Variants in NPSR1 observed in about 807,000 individuals in gnomAD.
NPSR1 encodes neuropeptide S receptor.
A neutral mutation model predicts 46.9 loss-of-function variants in NPSR1; 48 were observed. The ratio of observed to expected loss-of-function variants is 1.02; its 90% CI spans 0.81 to 1.30. The LOEUF is 1.30. Ranked by LOEUF, NPSR1 falls within the 50% of genes most tolerant of loss-of-function variation. The pLI is 0.00. For synonymous variants in NPSR1, 176 were observed against 168.1 expected, an observed-to-expected ratio of 1.05 and a Z score of -0.36; for missense variants, 450 against 449.5, an observed-to-expected ratio of 1.00 and a Z score of -0.01.
At chr7:34,688,096 G>A (rs1293619774) in intron 2 of NPSR1, among the ~76,000 whole-genome samples, 1 of 152,088 alleles carries the variant, frequency 6.6e-6, no homozygotes, top group African/African-American at 2.4e-5. Context: ...AAGTAAGAGT[G>A]AACTAAAAAT....
chr7:34,708,659 C>A (rs1173136768), intron 2 of NPSR1, among the ~76,000 whole-genome samples: 2 of 152,180 alleles, frequency 1.3e-5, no homozygotes, highest in Non-Finnish European at 2.9e-5. Context: ...CGCCTAGATT[C>A]CAAAGCAGGT....
intron 1 of NPSR1, among the ~76,000 whole-genome samples, chr7:34,680,392 A>G (rs1792566391): frequency 6.6e-6 from 1 of 152,218 alleles, no homozygotes; most frequent in Non-Finnish European, 1.5e-5. Context: ...TATGTCATTT[A>G]AAATAGAAAT....
rs115258283 is a variant in NPSR1 at position 34,847,347 on chromosome 7, G to A, written c.845-1136G>A. 6.8e-3 allele frequency among the ~76,000 whole-genome samples: 1,029 copies of A among 152,208 alleles called. 14 individuals carry two copies. The highest frequency in any genetic ancestry group is 0.024 in the African/African-American group (982 of 41,522). On this transcript the variant is annotated intron_variant, in intron 7 of 8. Transcript: ENST00000360581. ...AAAATGAGAGATGCGTGTATTTCCA[G>A]TCAACTTAGGAGTGTTTAGCTCTGT...
intron 2 of NPSR1, chr7:34,758,164 C>G (rs372365338): frequency 6.6e-6 from 1 of 152,586 alleles, no homozygotes; most frequent in Admixed American, 6.5e-5. Context: ...TAAATTAGTT[C>G]TTCTATAGAA....
intron 8 of NPSR1, among the ~76,000 whole-genome samples, chr7:34,869,075 T>C (rs1399612108): frequency 6.6e-6 from 1 of 151,684 alleles, no homozygotes; most frequent in Non-Finnish European, 1.5e-5. Context: ...CCACTCTATT[T>C]CACATTTAAG....
At chr7:34,696,772 T>A (rs866200972) in intron 2 of NPSR1, among the ~76,000 whole-genome samples, 6 of 150,936 alleles carry the variant, frequency 4.0e-5, no homozygotes, top group Non-Finnish European at 8.9e-5. Context: ...GAAACAACAC[T>A]TATAGTGGCC....
At chr7:34,672,156 T>A (rs1296251746) in intron 1 of NPSR1, among the ~76,000 whole-genome samples, 1 of 152,222 alleles carries the variant, frequency 6.6e-6, no homozygotes, top group African/African-American at 2.4e-5. Context: ...GTTCTTGTTA[T>A]GTAGCTGACA....
chr7:34,870,473 A>T (rs1258071838), intron 8 of NPSR1, among the ~76,000 whole-genome samples: 1 of 151,792 alleles, frequency 6.6e-6, no homozygotes, highest in Admixed American at 6.5e-5. Context: ...TGACCATGGG[A>T]TATTTAGGTA....
At chr7:34,688,973 G>C (rs1793081039) in intron 2 of NPSR1, among the ~76,000 whole-genome samples, 1 of 152,198 alleles carries the variant, frequency 6.6e-6, no homozygotes, top group Non-Finnish European at 1.5e-5. Flanking sequence ...CCTGTGCAGA[G>C]AACTTGGGAC....
intron 2 of NPSR1, chr7:34,750,170 C>T (rs35430691): frequency 0.039 from 12,222 of 314,108 alleles, 1,091 homozygotes; most frequent in African/African-American, 0.21. Flanking sequence ...AAATATTCTA[C>T]AAGGGGAACA....
chr7:34,872,986 C>A, intron 8 of NPSR1, among the ~76,000 whole-genome samples: 1 of 150,344 alleles, frequency 6.7e-6, no homozygotes, highest in East Asian at 1.9e-4. Context: ...AGCAACTAGG[C>A]CACTTCTTGA....
intron 3 of NPSR1, among the ~76,000 whole-genome samples, chr7:34,796,272 T>C (rs1030439520): frequency 6.6e-6 from 1 of 152,110 alleles, no homozygotes; most frequent in Non-Finnish European, 1.5e-5. Context: ...ACCTTGAGTA[T>C]GGTGATGACT....
intron 3 of NPSR1, among the ~76,000 whole-genome samples, chr7:34,792,571 ATGTG>A (rs1323576369): frequency 1.4e-5 from 1 of 72,628 alleles, no homozygotes; most frequent in African/African-American, 6.1e-5. Flanking sequence ...ATATATATAT[ATGTG>A]TGTGTGTATA....
intron 1 of NPSR1, among the ~76,000 whole-genome samples, chr7:34,671,858 C>T (rs117533146): frequency 0.015 from 2,291 of 151,662 alleles, 26 homozygotes; most frequent in Middle Eastern, 0.034. Flanking sequence ...TTGAGTCTCC[C>T]GGATGGATTT....
At chr7:34,752,010 A>G in intron 2 of NPSR1, 1 of 772,758 alleles carries the variant, frequency 1.3e-6, no homozygotes. Flanking sequence ...GGCATGGCAC[A>G]CCTGCTGGGC....
At chr7:34,769,184 T>C (rs1046486078) in intron 2 of NPSR1, among the ~76,000 whole-genome samples, 8 of 152,316 alleles carry the variant, frequency 5.3e-5, no homozygotes, top group East Asian at 1.9e-4. Flanking sequence ...GATTTCATTT[T>C]GTCTCCACTA....
At chr7:34,691,161 A>G (rs1262220302) in intron 2 of NPSR1, among the ~76,000 whole-genome samples, 2 of 152,222 alleles carry the variant, frequency 1.3e-5, no homozygotes, top group Non-Finnish European at 2.9e-5. Flanking sequence ...TCAAGTCTTA[A>G]CCAGACAAAT....
chr7:34,792,641 G>GTATATATATGTATATATATT, intron 3 of NPSR1, among the ~76,000 whole-genome samples: 1 of 81,104 alleles, frequency 1.2e-5, no homozygotes, highest in Non-Finnish European at 2.7e-5. Context: ...GTGTGTATGT[G>GTATATATATGTATATATATT]TATATATATA....
chr7:34,754,248 T>C (rs1785697902), intron 2 of NPSR1, among the ~76,000 whole-genome samples: 1 of 152,126 alleles, frequency 6.6e-6, no homozygotes, highest in Non-Finnish European at 1.5e-5. Context: ...AAATACAATA[T>C]ACACAAGAAC....
Sources: allele counts gnomAD v4.1 joint callset (sites outside exome capture counted in the v4.1 genomes callset), GRCh38; gene constraint gnomAD v4.1.1; transcripts MANE v1.5; gene names NCBI Gene and HGNC (gene_info 2026-07-23, HGNC 2026-07-21).